IQCM: variants seen among roughly 807,000 people sequenced by gnomAD.
IQCM encodes the protein IQ motif containing M.
In IQCM, 45 loss-of-function variants were observed where a neutral mutation model predicts 57.6. That is an observed-to-expected ratio of 0.78 (90% CI 0.62 to 1.00). The LOEUF (loss-of-function observed/expected upper bound fraction) is 1.00, where lower values mean the gene tolerates loss of function less well. IQCM is among the 50% of genes least tolerant of loss of function. The probability of loss-of-function intolerance (pLI) is 0.00; values close to 1 mark genes in which losing one functional copy is unlikely to be tolerated. For synonymous variants in IQCM, 148 were observed against 158.9 expected (o/e 0.93, Z 0.51); for missense variants, 468 against 511.6 (o/e 0.91, Z 0.82).
intron 12 of IQCM, among the ~76,000 whole-genome samples, chr4:149,490,181 G>A (rs1417260652): frequency 6.6e-6 from 1 of 151,752 alleles, no homozygotes; most frequent in Non-Finnish European, 1.5e-5. Context: ...ACTCAGTTAT[G>A]ATTCCTAAAA....
At position 149,686,464 on chromosome 4, in the gene IQCM, T is replaced by A; in HGVS notation, c.390A>T (p.Gln130His). The A allele has an allele frequency of 8.2e-7, 1 of 1,218,990 alleles. No homozygotes were observed. Among genetic ancestry groups the A allele is most frequent in the Non-Finnish European group, 1.0e-6 (1 of 976,492 alleles). 75.5% of individuals were successfully genotyped at this position (1,218,990 alleles called of 1,614,324 possible). ...CRPIDLITKG[Q>H]VKLDKIMTII... ...TAGTCATGATTTTATCCAATTTAAC[T>A]TGTCCTGAAATTTTGTTAAAGTTTT... Residue 130 changes from glutamine to histidine, a missense_variant, in exon 6 of 14, where the codon CAA (glutamine) becomes CAT (histidine). Physicochemically the swap from Gln to His is conservative, Grantham distance 24. Transcript: ENST00000636793.
chr4:149,659,125 C>CA (rs1328284536), intron 7 of IQCM, among the ~76,000 whole-genome samples: 1 of 151,644 alleles, frequency 6.6e-6, no homozygotes, highest in African/African-American at 2.4e-5. Flanking sequence ...TTGACGCTTT[C>CA]AAAAAACCAG....
At chr4:149,531,809 A>C (rs986209780) in intron 12 of IQCM, among the ~76,000 whole-genome samples, 2 of 152,108 alleles carry the variant, frequency 1.3e-5, no homozygotes, top group African/African-American at 4.8e-5. Flanking sequence ...TAACAATTAG[A>C]ATAATGATCT....
chr4:149,479,799 G>A (rs568449740), intron 12 of IQCM, among the ~76,000 whole-genome samples: 2 of 152,308 alleles, frequency 1.3e-5, no homozygotes, highest in South Asian at 4.1e-4. Context: ...GGTGCAGTGA[G>A]TTAGGTCCCA....
At chr4:149,674,288 A>C (rs1370871341) in intron 7 of IQCM, among the ~76,000 whole-genome samples, 1 of 152,154 alleles carries the variant, frequency 6.6e-6, no homozygotes, top group Non-Finnish European at 1.5e-5. Flanking sequence ...CAACACTTTT[A>C]CAAAATAAAA....
intron 7 of IQCM, among the ~76,000 whole-genome samples, chr4:149,673,132 G>A (rs1357625773): frequency 6.6e-6 from 1 of 152,064 alleles, no homozygotes; most frequent in Non-Finnish European, 1.5e-5. Flanking sequence ...GAAGCACTAA[G>A]CATGGAAAGG....
chr4:149,386,605 G>A (rs571266612), intron 13 of IQCM, among the ~76,000 whole-genome samples: 100 of 152,028 alleles, frequency 6.6e-4, no homozygotes, highest in African/African-American at 2.3e-3. Context: ...CTGTTCATTT[G>A]TCCCAAAAAA....
intron 12 of IQCM, among the ~76,000 whole-genome samples, chr4:149,464,389 T>C (rs1738624539): frequency 6.6e-6 from 1 of 152,060 alleles, no homozygotes; most frequent in African/African-American, 2.4e-5. Flanking sequence ...CTTGACAGAG[T>C]ATCTTGTATA....
intron 5 of IQCM, among the ~76,000 whole-genome samples, chr4:149,707,240 CATTTATTTGTG>C (rs1764226644): frequency 6.6e-6 from 1 of 152,044 alleles, no homozygotes; most frequent in African/African-American, 2.4e-5. Context: ...CCTGCCATGT[CATTTATTTGTG>C]ATTTTAGCTT....
chr4:149,381,549 TCACTC>T (rs756490881), intron 13 of IQCM, among the ~76,000 whole-genome samples: 9 of 152,088 alleles, frequency 5.9e-5, no homozygotes, highest in Non-Finnish European at 1.0e-4. Context: ...CCTTTGCTGT[TCACTC>T]CACTTCTTGG....
intron 5 of IQCM, among the ~76,000 whole-genome samples, chr4:149,704,491 A>C (rs999821246): frequency 1.3e-5 from 2 of 151,932 alleles, no homozygotes; most frequent in African/African-American, 2.4e-5. Context: ...TACGGCCCAC[A>C]AAGCCAAAAA....
At chr4:149,695,604 AG>A (rs1249621809) in intron 5 of IQCM, among the ~76,000 whole-genome samples, 1 of 152,212 alleles carries the variant, frequency 6.6e-6, no homozygotes, top group Non-Finnish European at 1.5e-5. Context: ...AGTTTGAGAA[AG>A]TAAATTATAG....
chr4:149,797,604 A>C (rs75908098), intron 2 of IQCM, among the ~76,000 whole-genome samples: 3,335 of 152,172 alleles, frequency 0.022, 65 homozygotes, highest in South Asian at 0.036. Flanking sequence ...CAAATTTAAT[A>C]CAAAGAAGAC....
At chr4:149,368,809 TATATATATAC>T (rs1336988674) in intron 13 of IQCM, among the ~76,000 whole-genome samples, 9 of 106,202 alleles carry the variant, frequency 8.5e-5, no homozygotes, top group African/African-American at 3.5e-4. Flanking sequence ...TATATACATG[TATATATATAC>T]ATATATATAC....
At chr4:149,360,197 CAACT>C (rs1729373337) in intron 13 of IQCM, among the ~76,000 whole-genome samples, 1 of 152,040 alleles carries the variant, frequency 6.6e-6, no homozygotes, top group Non-Finnish European at 1.5e-5. Context: ...TACCTCAATT[CAACT>C]AACTGTGGAT....
intron 13 of IQCM, among the ~76,000 whole-genome samples, chr4:149,374,981 GTGTGTGTGTGTGTGTGT>G (rs1730608634): frequency 8.1e-6 from 1 of 123,710 alleles, no homozygotes; most frequent in South Asian, 2.7e-4. Context: ...GTGTGTGTGT[GTGTGTGTGTGTGTGTGT>G]TGTGTGTGTG....
chr4:149,609,398 G>A (rs893337459), intron 8 of IQCM, among the ~76,000 whole-genome samples: 3 of 151,730 alleles, frequency 2.0e-5, no homozygotes, highest in African/African-American at 7.3e-5. Context: ...TACAAGGCCA[G>A]TATTATGCTG....
At chr4:149,721,548 A>G (rs1765450777) in intron 5 of IQCM, among the ~76,000 whole-genome samples, 4 of 152,012 alleles carry the variant, frequency 2.6e-5, no homozygotes, top group Admixed American at 1.3e-4. Context: ...GCAGTATTTT[A>G]TTTTCTATTC....
chr4:149,354,421 AATT>A (rs1728815470), intron 13 of IQCM, among the ~76,000 whole-genome samples: 1 of 149,860 alleles, frequency 6.7e-6, no homozygotes, highest in Non-Finnish European at 1.5e-5. Flanking sequence ...ATTGCAAAAC[AATT>A]ATTAGTTTTC....
Sources: gnomAD v4.1 joint callset for allele counts (sites outside exome capture counted in the v4.1 genomes callset) on GRCh38, gnomAD v4.1.1 for gene constraint, MANE v1.5 for transcripts, NCBI Gene and HGNC (gene_info 2026-07-23, HGNC 2026-07-21) for gene names.